Variants in OSBPL3 observed in about 807,000 individuals in gnomAD.
OSBPL3 encodes oxysterol-binding protein-related protein 3.
OSBPL3 carries 65 observed loss-of-function variants against 120.1 expected under a neutral mutation model. The ratio of observed to expected loss-of-function variants is 0.54; its 90% CI spans 0.44 to 0.67. The LOEUF (loss-of-function observed/expected upper bound fraction) is 0.67. Among genes scored for constraint, OSBPL3 ranks in the 30% least tolerant of loss-of-function variants. OSBPL3 has a pLI of 0.00. For synonymous variants in OSBPL3, 416 were observed against 402.6 expected (o/e 1.03, Z -0.40); for missense variants, 1,004 against 1,082.1 (o/e 0.93, Z 1.01).
At chr7:24,860,821 T>C (rs1283728041) in intron 10 of OSBPL3, among the ~76,000 whole-genome samples, 4 of 152,238 alleles carry the variant, frequency 2.6e-5, no homozygotes, top group Non-Finnish European at 5.9e-5. Context: ...GTTTAACCAT[T>C]CATCTGTTGA....
At chr7:24,859,417 G>A (rs893623864) in intron 10 of OSBPL3, among the ~76,000 whole-genome samples, 2 of 152,132 alleles carry the variant, frequency 1.3e-5, no homozygotes, top group Non-Finnish European at 2.9e-5. Flanking sequence ...TTAAATGTTT[G>A]TATATATCCT....
rs575449931 is a variant in OSBPL3, at chr7:24,952,626, G to C, written c.-150+27260C>G. ...ATGTATCTCAATACGGTTCATGCCA[G>C]GCATATGTATATTCACATGCAAAAT... On this transcript the variant is annotated intron_variant, in intron 1 of 22. Transcript: ENST00000313367. This position sits in a 1 kb window ranked among gnomAD's most constrained non-coding sequence, Gnocchi z 4.4. Among the ~76,000 whole-genome samples the C allele has an allele frequency of 3.9e-5, 6 of 152,236 alleles. No individual in the cohort carries two copies. The highest frequency in any genetic ancestry group is 1.2e-4 in the African/African-American group (5 of 41,538).
At chr7:24,890,771 C>T (rs1313840329) in intron 2 of OSBPL3, among the ~76,000 whole-genome samples, 1 of 152,172 alleles carries the variant, frequency 6.6e-6, no homozygotes, top group South Asian at 2.1e-4. Flanking sequence ...GAATGAGTGA[C>T]TGATTGACCA....
At chr7:24,981,723 A>T (rs1247665332), upstream of OSBPL3, 4 of 152,372 alleles carry the variant, frequency 2.6e-5, no homozygotes, top group Non-Finnish European at 4.4e-5. This position sits in a 1 kb window ranked among gnomAD's most constrained non-coding sequence, Gnocchi z 7.3. Context: ...CATGCTGCCC[A>T]CGTCGGCACA....
chr7:24,957,363 C>T (rs1815193002), intron 1 of OSBPL3, among the ~76,000 whole-genome samples: 1 of 152,146 alleles, frequency 6.6e-6, no homozygotes, highest in Non-Finnish European at 1.5e-5. Flanking sequence ...ACTTATCAAG[C>T]CCTCAATTAC....
intron 15 of OSBPL3, among the ~76,000 whole-genome samples, chr7:24,832,819 T>A (rs1300029413): frequency 2.0e-5 from 3 of 151,876 alleles, no homozygotes; most frequent in Non-Finnish European, 4.4e-5. Flanking sequence ...TGAGGGAGAG[T>A]CCAGGCAGGG....
Position 24,863,640 on chromosome 7 carries a change from G to T in OSBPL3, c.674-41C>A. On this transcript the variant is annotated intron_variant, in intron 7 of 22. Coordinates refer to ENST00000313367, the MANE Select transcript of OSBPL3 (RefSeq NM_015550.4). This position sits in a 1 kb window ranked among gnomAD's most constrained non-coding sequence, Gnocchi z 5.8. ...GGACAGTGCTCACAATGCTCCACTA[G>T]CAAGAGGGATCACTGTGCTGTCCCC... 1.6e-6 allele frequency: 2 copies of T among 1,261,792 alleles called. No individual in the cohort carries two copies. The highest frequency in any genetic ancestry group is 2.3e-6 in the Non-Finnish European group (2 of 858,952). 78.2% of individuals were successfully genotyped at this position (1,261,792 alleles called of 1,614,324 possible). A position where few individuals can be genotyped will look rare whatever the true frequency, so the allele number is the denominator to read the frequency against.
chr7:24,828,222 C>T (rs1795925466), intron 16 of OSBPL3, among the ~76,000 whole-genome samples: 1 of 152,124 alleles, frequency 6.6e-6, no homozygotes, highest in Non-Finnish European at 1.5e-5. Context: ...GATGGGGTTT[C>T]ACCATGTTAG....
rs369166857 is a variant in OSBPL3, at chr7:24,835,604, G to C, written c.1496-868C>G. Among the ~76,000 whole-genome samples, 1 of 151,930 alleles carries C rather than the reference G, an allele frequency of 6.6e-6. No individual in the cohort carries two copies. Among genetic ancestry groups the C allele is most frequent in the African/African-American group, 2.4e-5 (1 of 41,352 alleles). On this transcript the variant is annotated intron_variant, in intron 14 of 22. Coordinates refer to ENST00000313367, the MANE Select transcript of OSBPL3 (RefSeq NM_015550.4). This position sits in a 1 kb window ranked among gnomAD's most constrained non-coding sequence, Gnocchi z 4.8. ...ATATATATTGTTCTACCATAAAGACGCATGCACGTGTATGTTTATCACAGC... is the reference window on the plus strand; with the variant it reads ...ATATATATTGTTCTACCATAAAGACCCATGCACGTGTATGTTTATCACAGC...
In OSBPL3 at chr7:24,849,389, G is replaced by A. The variant is rs1323578001; in HGVS notation, c.1159-213C>T. On this transcript the variant is annotated intron_variant, in intron 11 of 22. Coordinates refer to ENST00000313367, the MANE Select transcript of OSBPL3 (RefSeq NM_015550.4). The surrounding 1 kb of genome is among the most constrained non-coding windows in gnomAD (Gnocchi z 5.4). The stretch of plus-strand genomic sequence containing the variant: ...GATGACAAACCTGGGCTCTGGAAAT[G>A]ATGCTCTTTTTCTTTTCTCATTCCA... 5 of 369,774 alleles carry A rather than the reference G, an allele frequency of 1.4e-5. No homozygotes were observed. In the Admixed American group the frequency reaches 1.8e-4, roughly 13 times the overall value. The allele number at this position is 369,774 out of a possible 1,614,324, so 22.9% of individuals were successfully genotyped here.
chr7:24,797,462 C>T lies in OSBPL3; in HGVS notation c.*2721G>A, dbSNP rs1292796393. On this transcript the variant is annotated 3_prime_UTR_variant, in exon 23 of 23. Coordinates refer to ENST00000313367, the MANE Select transcript of OSBPL3 (RefSeq NM_015550.4). The surrounding 1 kb of genome is among the most constrained non-coding windows in gnomAD (Gnocchi z 4.8). Reference sequence around the variant, plus strand: ...ATCCACCTGGCTTGTAGGAGAGGAACTACATGGAGAAGCTGCATTGAGGCT... The same window carrying T: ...ATCCACCTGGCTTGTAGGAGAGGAATTACATGGAGAAGCTGCATTGAGGCT... 6.6e-6 allele frequency: 1 copy of T among 152,162 alleles called. No individual in the cohort carries two copies. Among genetic ancestry groups the T allele is most frequent in the South Asian group, 2.1e-4 (1 of 4,824 alleles). 9.4% of individuals were successfully genotyped at this position (152,162 alleles called of 1,614,324 possible). A position where few individuals can be genotyped will look rare whatever the true frequency, so the allele number is the denominator to read the frequency against.
rs1246898826 is a variant in OSBPL3, at chr7:24,798,032, T to A, written c.*2151A>T. 6.6e-6 allele frequency: 1 copy of A among 152,212 alleles called. No homozygotes were observed. The highest frequency in any genetic ancestry group is 6.5e-5 in the Admixed American group (1 of 15,282). 9.4% of individuals were successfully genotyped at this position (152,212 alleles called of 1,614,324 possible). ...GTTTAAATTTCAGAAAAGCCCTTTA[T>A]AGATGCTAGTACTGACTAGATTTTA... On this transcript the variant is annotated 3_prime_UTR_variant, in exon 23 of 23. Transcript: ENST00000313367. This position sits in a 1 kb window ranked among gnomAD's most constrained non-coding sequence, Gnocchi z 4.6.
Position 24,830,861 on chromosome 7 carries a change from G to A in OSBPL3, c.1791C>T (p.Tyr597=), listed in dbSNP as rs903679129. 18 of 1,613,760 alleles carry A rather than the reference G, an allele frequency of 1.1e-5. No homozygotes were observed. Among genetic ancestry groups the A allele is most frequent in the Non-Finnish European group, 1.4e-5 (17 of 1,179,750 alleles). ...TAAATGGCTTGCTTCCAGCTCGGTA[G>A]TAGCTAGATGCATACGCTGATATGG... ...AFAISAYASS[Y]YRAGSKPFNP... Residue 597 remains tyrosine, a synonymous_variant, in exon 16 of 23, where the codon TAC becomes TAT. Transcript: ENST00000313367. This position sits in a 1 kb window ranked among gnomAD's most constrained non-coding sequence, Gnocchi z 4.4.
At position 24,822,385 on chromosome 7, in the gene OSBPL3, G is replaced by A. The variant is rs1795230782; in HGVS notation, c.1885-2147C>T. Reference sequence around the variant, plus strand: ...AGGCAGAAGGATCCCTTGAGCCCAGGATCCAGGAGTTCAAGACCAGCCTGG... The same window carrying A: ...AGGCAGAAGGATCCCTTGAGCCCAGAATCCAGGAGTTCAAGACCAGCCTGG... On this transcript the variant is annotated intron_variant, in intron 16 of 22. Transcript: ENST00000313367. The surrounding 1 kb of genome is among the most constrained non-coding windows in gnomAD (Gnocchi z 5.8). Among the ~76,000 whole-genome samples the A allele has an allele frequency of 6.6e-6, 1 of 152,044 alleles. No individual in the cohort carries two copies. Among genetic ancestry groups the A allele is most frequent in the African/African-American group, 2.4e-5 (1 of 41,378 alleles).
intron 1 of OSBPL3, among the ~76,000 whole-genome samples, chr7:24,961,322 T>C (rs1321989198): frequency 1.3e-5 from 2 of 152,156 alleles, no homozygotes; most frequent in African/African-American, 4.8e-5. Flanking sequence ...GGAGAGAGGC[T>C]CACCATGATC....
Position 24,894,519 on chromosome 7 carries a change from C to A in OSBPL3, c.-149-1898G>T, listed in dbSNP as rs77245045. ...TGTTTGAGAAAGAAAAAAAAAAAAT[C>A]AAAAACCTGGTGGGAGCCCCAAATG... is the stretch of plus-strand genomic sequence containing the variant. On this transcript the variant is annotated intron_variant, in intron 1 of 22. Transcript: ENST00000313367. The surrounding 1 kb of genome is among the most constrained non-coding windows in gnomAD (Gnocchi z 4.1). Among the ~76,000 whole-genome samples, 1 of 149,608 alleles carries A rather than the reference C, an allele frequency of 6.7e-6. No homozygotes were observed. Among genetic ancestry groups the A allele is most frequent in the East Asian group, 2.0e-4 (1 of 5,112 alleles).
chr7:24,927,116 ATGC>A (rs2128459730), intron 1 of OSBPL3, among the ~76,000 whole-genome samples: 2 of 152,314 alleles, frequency 1.3e-5, no homozygotes, highest in South Asian at 4.1e-4. Context: ...GTTAGAAGCA[ATGC>A]TGCTTCCATT....
At position 24,836,884 on chromosome 7, in the gene OSBPL3, G is replaced by C. The variant is rs139230329; in HGVS notation, c.1496-2148C>G. ...GAGTCTTGGTCTGTTGCCCAGGCTG[G>C]AGTACAGTGGCATAATCTGGAGTCA... On this transcript the variant is annotated intron_variant, in intron 14 of 22. Coordinates refer to ENST00000313367, the MANE Select transcript of OSBPL3 (RefSeq NM_015550.4). Among the ~76,000 whole-genome samples, 6 of 152,214 alleles carry C rather than the reference G, an allele frequency of 3.9e-5. No homozygotes were observed. The East Asian group carries it at 1.2e-3, about 29-fold the overall frequency.
chr7:24,875,656 T>C (rs938121041), intron 2 of OSBPL3, among the ~76,000 whole-genome samples: 2 of 151,986 alleles, frequency 1.3e-5, no homozygotes, highest in East Asian at 3.9e-4. Context: ...GGCTACAGAG[T>C]GCTATGAGCA....
Sources: gnomAD v4.1 joint callset for allele counts (sites outside exome capture counted in the v4.1 genomes callset) on GRCh38, gnomAD v4.1.1 for gene constraint, Gnocchi (gnomAD v3.1) non-coding constraint, MANE v1.5 for transcripts, NCBI Gene and HGNC (gene_info 2026-07-23, HGNC 2026-07-21) for gene names.